The following ARHGAP32 variants were observed in gnomAD, a reference collection of about 807,000 sequenced individuals.
The protein encoded by ARHGAP32 is Rho GTPase activating protein 32, also known as rho GTPase-activating protein 32.
ARHGAP32 carries 51 observed loss-of-function variants against 186.5 expected under a neutral mutation model. That is an observed-to-expected ratio of 0.27 (90% confidence interval 0.22 to 0.35). ARHGAP32 has a LOEUF of 0.35. Ranked by LOEUF, ARHGAP32 falls within the 10% of genes least tolerant of loss-of-function variation. ARHGAP32 has a pLI of 1.00. For synonymous variants in ARHGAP32, 950 were observed against 964.3 expected, an observed-to-expected ratio of 0.99 and a Z score of 0.27; for missense variants, 2,186 against 2,623.5, an observed-to-expected ratio of 0.83 and a Z score of 3.64.
At chr11:129,171,572 A>G (rs1006453071) in intron 1 of ARHGAP32, among the ~76,000 whole-genome samples, 4 of 152,312 alleles carry the variant, frequency 2.6e-5, no homozygotes, top group African/African-American at 9.6e-5. Flanking sequence ...TGGTTACGGT[A>G]GCGTTGTAGT....
chr11:129,186,250 C>T (rs761637578), intron 1 of ARHGAP32, among the ~76,000 whole-genome samples: 1 of 152,090 alleles, frequency 6.6e-6, no homozygotes, highest in Non-Finnish European at 1.5e-5. Flanking sequence ...TACTCTAGGG[C>T]CTTTCTTGAA....
At chr11:129,188,737 C>T (rs898115626) in intron 1 of ARHGAP32, among the ~76,000 whole-genome samples, 1 of 152,208 alleles carries the variant, frequency 6.6e-6, no homozygotes, top group Admixed American at 6.5e-5. Context: ...TCCAGTTTAA[C>T]TAAAGTCAGA....
intron 2 of ARHGAP32, among the ~76,000 whole-genome samples, chr11:129,141,023 C>G (rs1943040302): frequency 6.6e-6 from 1 of 152,178 alleles, no homozygotes; most frequent in East Asian, 1.9e-4. Flanking sequence ...TATGGCAACT[C>G]CCATAATATA....
intron 1 of ARHGAP32, among the ~76,000 whole-genome samples, chr11:129,231,307 C>G (rs1224534371): frequency 2.0e-5 from 3 of 152,058 alleles, no homozygotes; most frequent in African/African-American, 7.2e-5. Flanking sequence ...TTTCTGATTA[C>G]AGATGAAATC....
At chr11:129,173,404 G>A (rs1475447208) in intron 1 of ARHGAP32, among the ~76,000 whole-genome samples, 2 of 151,668 alleles carry the variant, frequency 1.3e-5, no homozygotes, top group African/African-American at 4.8e-5. Context: ...AGAGGAGCTG[G>A]TACCATTCCT....
At chr11:129,132,777 G>T (rs1942841570) in intron 2 of ARHGAP32, among the ~76,000 whole-genome samples, 1 of 152,108 alleles carries the variant, frequency 6.6e-6, no homozygotes, top group Admixed American at 6.5e-5. Context: ...AAATGAAACA[G>T]ATTGGACTAA....
chr11:129,193,510 A>ATG, upstream of ARHGAP32, among the ~76,000 whole-genome samples: 1 of 95,584 alleles, frequency 1.0e-5, no homozygotes, highest in Non-Finnish European at 2.0e-5. Context: ...ATATATATAT[A>ATG]TGCAGGTCCC....
rs866743513 is a variant in ARHGAP32 at position 129,159,606 on chromosome 11, G to A, written c.225+4713C>T. Among the ~76,000 whole-genome samples, 23 of 151,982 alleles carry A rather than the reference G, an allele frequency of 1.5e-4. 1 individual carries two copies. The highest frequency in any genetic ancestry group is 6.8e-3 in the Middle Eastern group (2 of 294). On this transcript the variant is annotated intron_variant, in intron 2 of 22. Transcript: ENST00000682385. ...CTACCTACCAAAAAAAAAAGCCCAG[G>A]ATCAGACGGATTCACAGCCAAATTC...
intron 10 of ARHGAP32, among the ~76,000 whole-genome samples, chr11:129,050,904 T>C (rs1481098206): frequency 6.6e-6 from 1 of 152,226 alleles, no homozygotes; most frequent in Non-Finnish European, 1.5e-5. Flanking sequence ...TGGTTTTCTG[T>C]TCCTGTGTTA....
chr11:129,107,356 GT>G (rs1053417533), intron 5 of ARHGAP32, among the ~76,000 whole-genome samples: 1 of 152,156 alleles, frequency 6.6e-6, no homozygotes, highest in African/African-American at 2.4e-5. Context: ...ACACTAGACA[GT>G]AACTTGTAGC....
chr11:129,023,206 C>T (rs546154822), intron 11 of ARHGAP32, among the ~76,000 whole-genome samples: 56 of 152,158 alleles, frequency 3.7e-4, no homozygotes, highest in Non-Finnish European at 7.4e-4. Flanking sequence ...AAAGAAACAC[C>T]ATATACATAC....
intron 11 of ARHGAP32, among the ~76,000 whole-genome samples, chr11:129,015,757 A>C (rs1938309143): frequency 6.6e-6 from 1 of 152,170 alleles, no homozygotes; most frequent in Non-Finnish European, 1.5e-5. Context: ...ATATCACTTA[A>C]ACTACATTAC....
At chr11:129,182,630 C>G (rs1485788071) in intron 1 of ARHGAP32, among the ~76,000 whole-genome samples, 1 of 150,664 alleles carries the variant, frequency 6.6e-6, no homozygotes, top group African/African-American at 2.4e-5. Context: ...TGTTAATTCT[C>G]TATGTTTTCT....
intron 1 of ARHGAP32, among the ~76,000 whole-genome samples, chr11:129,233,900 C>T (rs142673098): frequency 8.9e-4 from 135 of 151,612 alleles, no homozygotes; most frequent in African/African-American, 2.9e-3. Context: ...ATATTTTTTA[C>T]GGATAGACAT....
Position 128,986,515 on chromosome 11 carries a change from T to C in ARHGAP32, c.1443+9A>G. The C allele has an allele frequency of 5.0e-6, 8 of 1,613,936 alleles. No individual in the cohort carries two copies. The Admixed American group carries it at 5.0e-5, about 10-fold the overall frequency. On this transcript the variant is annotated intron_variant, in intron 14 of 22. Transcript: ENST00000682385. ...CAAAGAATTAGATTCAAAAGTAGCC[T>C]GTACTCACAGAAAATTTCTCATACA...
At chr11:129,060,890 T>A (rs1162905494) in intron 10 of ARHGAP32, among the ~76,000 whole-genome samples, 1 of 152,120 alleles carries the variant, frequency 6.6e-6, no homozygotes, top group Middle Eastern at 3.2e-3. Flanking sequence ...AAGATAATCA[T>A]GTGAGGTAAA....
rs117448702 is a variant in ARHGAP32 at position 129,215,854 on chromosome 11, T to C, written c.-4-51427A>G. Among the ~76,000 whole-genome samples, 127 of 152,228 alleles carry C rather than the reference T, an allele frequency of 8.3e-4. No homozygotes were observed. In the East Asian group the frequency reaches 0.021, roughly 25 times the overall value. ...CCTATAAGTTATAAATGCTACCTTA[T>C]TTGAAAAAAGAGTCTTTGCAGACTT... On this transcript the variant is annotated intron_variant, in intron 1 of 6. Coordinates refer to the ARHGAP32 transcript ENST00000525234.
intron 2 of ARHGAP32, among the ~76,000 whole-genome samples, chr11:129,161,599 T>C (rs999214573): frequency 6.6e-6 from 1 of 152,164 alleles, no homozygotes; most frequent in African/African-American, 2.4e-5. Flanking sequence ...CACAATGAGA[T>C]ACCACCTCAC....
intron 2 of ARHGAP32, among the ~76,000 whole-genome samples, chr11:129,149,751 A>G (rs1043856923): frequency 1.3e-5 from 2 of 152,182 alleles, no homozygotes; most frequent in African/African-American, 4.8e-5. Context: ...CCAAAAGATC[A>G]CACCAGCTCC....
Sources: gnomAD v4.1 joint callset for allele counts (sites outside exome capture counted in the v4.1 genomes callset) on GRCh38, gnomAD v4.1.1 for gene constraint, MANE v1.5 for transcripts, NCBI Gene and HGNC (gene_info 2026-07-23, HGNC 2026-07-21) for gene names.